Variants in CLCNKA observed in about 807,000 individuals in gnomAD.
CLCNKA encodes chloride channel protein ClC-Ka.
CLCNKA carries 66 observed loss-of-function variants against 83.3 expected under a neutral mutation model. That is an observed-to-expected ratio of 0.79 (90% confidence interval 0.65 to 0.97). The LOEUF is 0.97. Ranked by LOEUF, CLCNKA falls within the 50% of genes least tolerant of loss-of-function variation. CLCNKA has a pLI of 0.00. For synonymous variants in CLCNKA, 357 were observed against 370.4 expected (o/e 0.96, Z 0.42); for missense variants, 806 against 888.7 (o/e 0.91, Z 1.18).
intron 19 of CLCNKA, 120 bp downstream of exon 19, chr1:16,033,376 C>T: frequency 8.3e-7 from 1 of 1,205,204 alleles, no homozygotes; most frequent in Non-Finnish European, 1.2e-6. Context: ...TCAGAGGATA[C>T]TTATGAGTCC....
Position 16,033,270 on chromosome 1 carries a change from G to C in CLCNKA, c.2016+14G>C, listed in dbSNP as rs753768774. 4 of 1,613,126 alleles carry C rather than the reference G, an allele frequency of 2.5e-6. No homozygotes were observed. Among genetic ancestry groups the C allele is most frequent in the Non-Finnish European group, 3.4e-6 (4 of 1,179,456 alleles). On this transcript the variant is annotated intron_variant, in intron 19 of 19. Transcript: ENST00000331433. ...TCCTGGGTGGAGGTACCAGGGTCCCGGGGGCAGAGCAAAGCAGGGGACCCA... is the reference window on the plus strand; with the variant it reads ...TCCTGGGTGGAGGTACCAGGGTCCCCGGGGCAGAGCAAAGCAGGGGACCCA...
At chr1:16,032,120 A>G (rs2022647897) in intron 16 of CLCNKA, 83 bp from the exon 17 acceptor site, 2 of 1,365,768 alleles carry the variant, frequency 1.5e-6, no homozygotes, top group Non-Finnish European at 1.0e-6. Flanking sequence ...GCATGGGGAC[A>G]CCACCAAGGT....
intron 8 of CLCNKA, 77 bp downstream of exon 8, chr1:16,027,512 C>T: frequency 6.3e-7 from 1 of 1,584,832 alleles, no homozygotes; most frequent in African/African-American, 1.4e-5. Context: ...CCTCTGTGTA[C>T]ATCTCTTGCT....
chr1:16,022,456 C>T (rs2022169732), intron 1 of CLCNKA, among the ~76,000 whole-genome samples, 157 bp from the exon 2 acceptor site: 1 of 152,134 alleles, frequency 6.6e-6, no homozygotes, highest in African/African-American at 2.4e-5. Flanking sequence ...GACGGAACCT[C>T]AGGGATGAGG....
intron 12 of CLCNKA, 47 bp downstream of exon 12, chr1:16,029,346 G>A: frequency 6.2e-7 from 1 of 1,612,828 alleles, no homozygotes. Context: ...GACCAGCTCT[G>A]GTGGGGAGGG....
At chr1:16,025,626 A>G (rs533036258) in intron 4 of CLCNKA, among the ~76,000 whole-genome samples, 4 of 151,984 alleles carry the variant, frequency 2.6e-5, no homozygotes, top group Admixed American at 1.3e-4. Flanking sequence ...AGTCGGGGTT[A>G]TAATGAGCCG....
chr1:16,032,623 C>G (rs1417706983), intron 18 of CLCNKA, 97 bp downstream of exon 18: 1 of 946,818 alleles, frequency 1.1e-6, no homozygotes, highest in Non-Finnish European at 1.7e-6. Flanking sequence ...AACCCCGCCC[C>G]GCCCATCTTA....
At chr1:16,032,624 G>T in intron 18 of CLCNKA, 98 bp downstream of exon 18, 1 of 917,494 alleles carries the variant, frequency 1.1e-6, no homozygotes, top group South Asian at 1.4e-5. Context: ...ACCCCGCCCC[G>T]CCCATCTTAT....
intron 2 of CLCNKA, among the ~76,000 whole-genome samples, chr1:16,023,196 C>G (rs1442132422): frequency 6.6e-6 from 1 of 152,194 alleles, no homozygotes; most frequent in East Asian, 1.9e-4. Context: ...TGGCTGGTGC[C>G]CACAGCCAGT....
rs181589868 is a variant in CLCNKA at position 16,029,118 on chromosome 1, C to T, written c.1054-8C>T. 1.4e-3 allele frequency: 2,292 copies of T among 1,610,736 alleles called. 31 individuals carry two copies. In the African/African-American group the frequency reaches 0.026, roughly 18 times the overall value. ...CCTCATGTCCAGTTCCCACCTGCCC[C>T]GCCACAGCTGTCCATGAAGCAGCAT... On this transcript the variant is annotated splice_region_variant and splice_polypyrimidine_tract_variant and intron_variant, in intron 11 of 19. Coordinates refer to ENST00000331433, the MANE Select transcript of CLCNKA (RefSeq NM_004070.4).
rs756708891 is a variant in CLCNKA, at chr1:16,022,668, A to T, written c.49A>T (p.Thr17Ser). 1.3e-5 allele frequency: 20 copies of T among 1,564,716 alleles called. No homozygotes were observed. In the Admixed American group the frequency reaches 3.0e-4, roughly 24 times the overall value. The change falls in exon 2 of 20, where the codon ACT (threonine) becomes TCT (serine). Residue 17 changes from threonine (T) to serine (S), a missense_variant. Coordinates refer to ENST00000331433, the MANE Select transcript of CLCNKA (RefSeq NM_004070.4). ...LREGFSGDPV[T>S]LQELWGPCPH... The stretch of plus-strand genomic sequence containing the variant: ...TGAGGGCTTCTCAGGGGACCCTGTG[A>T]CTCTGCAGGAGCTGTGGGGCCCCTG...
At position 16,023,875 on chromosome 1, in the gene CLCNKA, T is replaced by C; in HGVS notation, c.176T>C (p.Leu59Pro). The C allele has an allele frequency of 6.2e-7, 1 of 1,614,170 alleles. No individual in the cohort carries two copies. Among genetic ancestry groups the C allele is most frequent in the Non-Finnish European group, 8.5e-7 (1 of 1,180,018 alleles). The change falls in exon 3 of 20, where the codon CTC (leucine) becomes CCC (proline). Residue 59 changes from leucine to proline, a missense_variant. Physicochemically the swap from Leu to Pro is moderately conservative, Grantham distance 98. Transcript: ENST00000331433. The part of the protein sequence containing the change: ...DWYFLMTLGV[L>P]MALVSYAMNF... ...TACTTCCTGATGACCCTCGGGGTGC[T>C]CATGGCCCTGGTCAGCTATGCCATG...
At position 16,028,264 on chromosome 1, in the gene CLCNKA, C is replaced by G. The variant is rs578059436; in HGVS notation, c.968+145C>G. ...GAGCATCTAACAACCCTCTCCAAGT[C>G]CCCACAGTCACTGTCCCCCCTTCCT... On this transcript the variant is annotated intron_variant, in intron 10 of 19. Transcript: ENST00000331433. 2.4e-4 allele frequency: 185 copies of G among 772,776 alleles called. 1 individual carries two copies. The African/African-American group carries it at 2.9e-3, about 12-fold the overall frequency. The allele number at this position is 772,776 out of a possible 1,614,324, so 47.9% of individuals were successfully genotyped here.
At chr1:16,032,927 C>T (rs934799890) in intron 18 of CLCNKA, among the ~76,000 whole-genome samples, 1 of 152,218 alleles carries the variant, frequency 6.6e-6, no homozygotes, top group Non-Finnish European at 1.5e-5. Context: ...ATGGCCCCGC[C>T]CCCTCTGTGC....
At position 16,029,805 on chromosome 1, in the gene CLCNKA, G is replaced by A. The variant is rs373111856; in HGVS notation, c.1297+5G>A. 3 of 1,614,028 alleles carry A rather than the reference G, an allele frequency of 1.9e-6. No homozygotes were observed. In the African/African-American group the frequency reaches 4.0e-5, roughly 22 times the overall value. On this transcript the variant is annotated splice_donor_5th_base_variant and intron_variant, in intron 13 of 19. Transcript: ENST00000331433. ...TCATGCCCATCTTTATCCTTGGTGA[G>A]TCTGGGGTCCTGAGGTTCTGAGAGT...
rs1306660994 is a variant in CLCNKA, at chr1:16,033,838, G to C, written c.*180G>C. 1.1e-5 allele frequency: 8 copies of C among 702,166 alleles called. No homozygotes were observed. The highest frequency in any genetic ancestry group is 2.1e-5 in the Non-Finnish European group (8 of 389,370). The allele number at this position is 702,166 out of a possible 1,614,324, so 43.5% of individuals were successfully genotyped here. A position where few individuals can be genotyped will look rare whatever the true frequency, so the allele number is the denominator to read the frequency against. On this transcript the variant is annotated 3_prime_UTR_variant, in exon 20 of 20. Coordinates refer to ENST00000331433, the MANE Select transcript of CLCNKA (RefSeq NM_004070.4). ...GATGGCTCATCCTGGGTGGGACGAT[G>C]GCTCCTGCCTTGAAAGACAAAAATC...
chr1:16,032,348 G>A lies in CLCNKA; in HGVS notation c.1845+57G>A, dbSNP rs2022658933. ...CGGGGGTGGGTCAGCAGGGATGGGA[G>A]GGGAGGGACCCGCTGATCTCCTGAG... On this transcript the variant is annotated intron_variant, in intron 17 of 19. Transcript: ENST00000331433. The A allele has an allele frequency of 3.3e-5, 50 of 1,533,320 alleles. 2 individuals carry two copies. The South Asian group carries it at 5.5e-4, about 17-fold the overall frequency. 95.0% of individuals were successfully genotyped at this position (1,533,320 alleles called of 1,614,324 possible).
At chr1:16,022,758 C>T (rs368137560) in intron 2 of CLCNKA, 39 bp downstream of exon 2, 13 of 1,376,024 alleles carry the variant, frequency 9.4e-6, no homozygotes, top group African/African-American at 2.9e-5. Flanking sequence ...CGGGGGACCA[C>T]TCAGGACATC....
In CLCNKA at chr1:16,030,012, C is replaced by T. The variant is rs781726616; in HGVS notation, c.1345C>T (p.Pro449Ser). ...LLGEALAVAF[P>S]EGIVTGGVTN... Reference sequence around the variant, plus strand: ...GGGAGAGGCTCTTGCCGTCGCCTTCCCTGAGGGCATTGTGACTGGAGGGGT... The same window carrying T: ...GGGAGAGGCTCTTGCCGTCGCCTTCTCTGAGGGCATTGTGACTGGAGGGGT... The change falls in exon 14 of 20, where the codon CCT becomes TCT. Residue 449 changes from proline to serine, a missense_variant. Coordinates refer to ENST00000331433, the MANE Select transcript of CLCNKA (RefSeq NM_004070.4). 1.2e-6 allele frequency: 2 copies of T among 1,611,038 alleles called. No homozygotes were observed. Among genetic ancestry groups the T allele is most frequent in the Non-Finnish European group, 1.7e-6 (2 of 1,177,736 alleles).
Sources: gnomAD v4.1 joint callset for allele counts (sites outside exome capture counted in the v4.1 genomes callset) on GRCh38, gnomAD v4.1.1 for gene constraint, MANE v1.5 for transcripts, NCBI Gene and HGNC (gene_info 2026-07-23, HGNC 2026-07-21) for gene names.